The following UBAP2 variants were observed in gnomAD, a reference collection of about 807,000 sequenced individuals.
The protein encoded by UBAP2 is ubiquitin-associated protein 2.
Under a neutral mutation model 139.6 loss-of-function variants are expected in UBAP2, and 75 were observed. The ratio of observed to expected loss-of-function variants is 0.54; its 90% CI spans 0.45 to 0.65. The LOEUF (loss-of-function observed/expected upper bound fraction) is 0.65. Among genes scored for constraint, UBAP2 ranks in the 30% least tolerant of loss-of-function variants. The probability of loss-of-function intolerance (pLI) is 0.00; values close to 1 mark genes in which losing one functional copy is unlikely to be tolerated. For synonymous variants in UBAP2, 526 were observed against 526.2 expected, an observed-to-expected ratio of 1.00 and a Z score of 0.01; for missense variants, 1,368 against 1,369.6, an observed-to-expected ratio of 1.00 and a Z score of 0.02.
At chr9:33,932,789 T>C (rs965219033) in intron 18 of UBAP2, among the ~76,000 whole-genome samples, 161 bp from the exon 19 acceptor site, 3 of 152,196 alleles carry the variant, frequency 2.0e-5, no homozygotes, top group African/African-American at 7.2e-5. Context: ...AGCCCAGTGA[T>C]GGGGTCCTGG....
At chr9:34,012,259 A>C (rs995872703) in intron 2 of UBAP2, among the ~76,000 whole-genome samples, 22 of 152,338 alleles carry the variant, frequency 1.4e-4, no homozygotes, top group Non-Finnish European at 2.8e-4. Context: ...AGCTGGGCCC[A>C]GTGGCTCATG....
intron 6 of UBAP2, among the ~76,000 whole-genome samples, chr9:33,984,469 C>A (rs1821029752): frequency 2.0e-5 from 3 of 151,844 alleles, no homozygotes; most frequent in African/African-American, 7.3e-5. Flanking sequence ...TCCAGACCAA[C>A]CTGGGCAACA....
At position 33,953,360 on chromosome 9, in the gene UBAP2, A is replaced by G; in HGVS notation, c.981T>C (p.Asn327=). ...GTGCCATCTGATTGTTGTGTTGCGA[A>G]TTTGTGAAGACAAGGGCTTGGCCAA... ...QGFGQALVFT[N]SQHNNQMAPG... The change falls in exon 12 of 29, where the codon AAT becomes AAC. Residue 327 remains asparagine (N), a synonymous_variant. Coordinates refer to ENST00000379238, the MANE Select transcript of UBAP2 (RefSeq NM_001370062.2). 6.2e-7 allele frequency: 1 copy of G among 1,614,178 alleles called. No homozygotes were observed. The highest frequency in any genetic ancestry group is 2.2e-5 in the East Asian group (1 of 44,886).
chr9:34,049,001 C>CTAGG (rs1396800185), upstream of UBAP2: 1 of 152,302 alleles, frequency 6.6e-6, no homozygotes, highest in Non-Finnish European at 1.5e-5. Context: ...CAGAGTCAGC[C>CTAGG]TAGGCGGCGC....
intron 1 of UBAP2, among the ~76,000 whole-genome samples, chr9:34,041,370 CAGG>C (rs1284969747): frequency 5.9e-4 from 87 of 148,354 alleles, no homozygotes; most frequent in African/African-American, 2.1e-3. Flanking sequence ...GAGGCTGAGG[CAGG>C]AGAATTGCTT....
chr9:33,989,951 C>A (rs1821557561), intron 4 of UBAP2, among the ~76,000 whole-genome samples: 1 of 151,908 alleles, frequency 6.6e-6, no homozygotes, highest in African/African-American at 2.4e-5. Flanking sequence ...TTATAAAGCA[C>A]CTAAATTTTT....
intron 7 of UBAP2, 76 bp downstream of exon 7, chr9:33,973,107 G>T: frequency 1.6e-6 from 2 of 1,268,772 alleles, no homozygotes; most frequent in South Asian, 1.2e-5. Context: ...TAAATTAGAT[G>T]TAGGGTATTA....
At chr9:33,980,994 G>A (rs2781284) in intron 6 of UBAP2, among the ~76,000 whole-genome samples, 26,671 of 140,122 alleles carry the variant, frequency 0.19, 2,659 homozygotes, top group South Asian at 0.35. Flanking sequence ...TGAGCCACAC[G>A]AAATTTTATA....
intron 6 of UBAP2, among the ~76,000 whole-genome samples, chr9:33,973,864 C>T (rs1230480932): frequency 6.6e-6 from 1 of 152,056 alleles, no homozygotes; most frequent in Non-Finnish European, 1.5e-5. Context: ...GACACTAAAA[C>T]TACAGGCAAA....
chr9:33,989,400 A>C (rs770421685), intron 4 of UBAP2, among the ~76,000 whole-genome samples: 13 of 152,000 alleles, frequency 8.6e-5, no homozygotes, highest in Non-Finnish European at 1.6e-4. Flanking sequence ...ATGGGGTTTC[A>C]TCGTGTTAGC....
At chr9:33,927,113 T>C (rs1351762981) in intron 20 of UBAP2, 33 bp from the exon 21 acceptor site, 1 of 1,539,532 alleles carries the variant, frequency 6.5e-7, no homozygotes, top group East Asian at 2.3e-5. Flanking sequence ...TGGAGTGAAA[T>C]GGTCACCACA....
chr9:33,966,031 C>T (rs1332622534), intron 8 of UBAP2, among the ~76,000 whole-genome samples: 5 of 147,082 alleles, frequency 3.4e-5, no homozygotes, highest in East Asian at 4.1e-4. Flanking sequence ...GCCTGACTGA[C>T]GAAGCGAGAC....
At chr9:33,983,244 T>C (rs1820925863) in intron 6 of UBAP2, among the ~76,000 whole-genome samples, 1 of 152,138 alleles carries the variant, frequency 6.6e-6, no homozygotes. Context: ...TTGTAATCCT[T>C]AAACATGTCT....
chr9:34,011,086 C>A (rs993054076), intron 2 of UBAP2, among the ~76,000 whole-genome samples: 3 of 151,998 alleles, frequency 2.0e-5, no homozygotes. Flanking sequence ...AACACCGACC[C>A]GATTAAAATA....
chr9:33,986,608 C>A (rs1821237913), intron 6 of UBAP2, 152 bp downstream of exon 6: 1 of 726,576 alleles, frequency 1.4e-6, no homozygotes, highest in Non-Finnish European at 2.4e-6. Flanking sequence ...CAAAATAGTT[C>A]ATTTACAGGC....
chr9:34,023,534 C>G (rs971633528), intron 1 of UBAP2, among the ~76,000 whole-genome samples: 14 of 152,200 alleles, frequency 9.2e-5, no homozygotes, highest in African/African-American at 3.1e-4. Flanking sequence ...AAGACTATAT[C>G]TCCTTCCAAT....
intron 16 of UBAP2, among the ~76,000 whole-genome samples, chr9:33,940,687 G>A (rs993774090): frequency 6.6e-6 from 1 of 152,178 alleles, no homozygotes; most frequent in African/African-American, 2.4e-5. Flanking sequence ...GCTAGGGTGG[G>A]AGGACTCACT....
intron 11 of UBAP2, among the ~76,000 whole-genome samples, chr9:33,955,683 G>A (rs888391000): frequency 2.4e-4 from 36 of 151,948 alleles, no homozygotes; most frequent in African/African-American, 7.2e-4. Context: ...AAAATTAGCT[G>A]GGCGTGGGGG....
Position 33,944,487 on chromosome 9 carries a change from A to C in UBAP2, c.1423T>G (p.Ser475Ala). 6.2e-7 allele frequency: 1 copy of C among 1,614,100 alleles called. No individual in the cohort carries two copies. Among genetic ancestry groups the C allele is most frequent in the Non-Finnish European group, 8.5e-7 (1 of 1,180,016 alleles). Residue 475 changes from serine (S) to alanine (A), a missense_variant, in exon 14 of 29, where the codon TCC becomes GCC. Coordinates refer to ENST00000379238, the MANE Select transcript of UBAP2 (RefSeq NM_001370062.2). The part of the protein sequence containing the change: ...LRESTPGDSP[S>A]TVNKLLQLPS... ...AGCTGCAAAAGCTTGTTCACAGTGG[A>C]GGGACTGTCTCCAGGTGTTGATTCT... is the stretch of plus-strand genomic sequence containing the variant.
Sources: allele counts gnomAD v4.1 joint callset (sites outside exome capture counted in the v4.1 genomes callset), GRCh38; gene constraint gnomAD v4.1.1; transcripts MANE v1.5; gene names NCBI Gene and HGNC (gene_info 2026-07-23, HGNC 2026-07-21).